Variants in BCL2L14 observed in about 807,000 individuals in gnomAD.
BCL2L14 encodes apoptosis facilitator Bcl-2-like protein 14.
BCL2L14 carries 27 observed loss-of-function variants against 35.3 expected under a neutral mutation model. The observed-to-expected ratio is 0.76, with a 90% CI of 0.56 to 1.05. BCL2L14 has a LOEUF of 1.05. Among genes scored for constraint, BCL2L14 ranks in the 50% least tolerant of loss-of-function variants. The pLI is 0.00. For synonymous variants in BCL2L14, 139 were observed against 145.9 expected (o/e 0.95, Z 0.34); for missense variants, 377 against 382.6 (o/e 0.99, Z 0.12).
intron 2 of BCL2L14, among the ~76,000 whole-genome samples, chr12:12,056,768 G>C (rs75613455): frequency 1.3e-5 from 2 of 152,148 alleles, no homozygotes; most frequent in Non-Finnish European, 2.9e-5. Flanking sequence ...GGAAGGCCTC[G>C]GAGGTTGCAG....
intron 1 of BCL2L14, among the ~76,000 whole-genome samples, chr12:12,073,976 C>T (rs958818203): frequency 6.6e-6 from 1 of 152,080 alleles, no homozygotes; most frequent in Non-Finnish European, 1.5e-5. Context: ...TCAGCAACAG[C>T]TTCCCCTCCT....
rs769942576 is a variant in BCL2L14 at position 12,079,421 on chromosome 12, C to T, written c.116C>T (p.Thr39Ile). 1.9e-6 allele frequency: 3 copies of T among 1,614,166 alleles called. No homozygotes were observed. Among genetic ancestry groups the T allele is most frequent in the Non-Finnish European group, 2.5e-6 (3 of 1,180,022 alleles). The change falls in exon 2 of 6, where the codon ACC becomes ATC. Residue 39 changes from threonine to isoleucine, a missense_variant. By Grantham distance (89) the Thr-to-Ile change is moderately conservative. Transcript: ENST00000308721. ...ACCAGACATCATGTCTTCAAGAGCA[C>T]CCCTGCTCTCTTCTCACCAAAGCTG... ...YYTRHHVFKS[T>I]PALFSPKLLR...
intron 3 of BCL2L14, among the ~76,000 whole-genome samples, chr12:12,088,793 C>T (rs1490481959): frequency 5.3e-5 from 8 of 152,106 alleles, no homozygotes; most frequent in African/African-American, 1.7e-4. Context: ...CGATGCAGAG[C>T]GGTAGCCACA....
At chr12:12,098,487 G>C (rs1949361531) in intron 5 of BCL2L14, among the ~76,000 whole-genome samples, 1 of 152,092 alleles carries the variant, frequency 6.6e-6, no homozygotes, top group African/African-American at 2.4e-5. Context: ...TCAAATGAAT[G>C]AATAGCAACT....
rs1313513259 is a variant in BCL2L14, at chr12:12,099,280, T to C, written c.*292T>C. 1 of 379,878 alleles carries C rather than the reference T, an allele frequency of 2.6e-6. No individual in the cohort carries two copies. The highest frequency in any genetic ancestry group is 2.1e-5 in the African/African-American group (1 of 47,910). The allele number at this position is 379,878 out of a possible 1,614,324, so 23.5% of individuals were successfully genotyped here. On this transcript the variant is annotated 3_prime_UTR_variant, in exon 6 of 6. Transcript: ENST00000308721. ...TTTCAAACGTTCAGAACAGATACCATCATCCTGCCTTTGTTAGCTGCTGTA... is the reference window on the plus strand; with the variant it reads ...TTTCAAACGTTCAGAACAGATACCACCATCCTGCCTTTGTTAGCTGCTGTA...
chr12:12,052,922 G>A (rs1295398315), intron 2 of BCL2L14, among the ~76,000 whole-genome samples: 2 of 152,198 alleles, frequency 1.3e-5, no homozygotes, highest in Non-Finnish European at 2.9e-5. Flanking sequence ...CATATCAAGG[G>A]AGTGAGGTGT....
chr12:12,054,234 A>C (rs1948398129), intron 2 of BCL2L14, among the ~76,000 whole-genome samples: 1 of 152,198 alleles, frequency 6.6e-6, no homozygotes, highest in Admixed American at 6.5e-5. Context: ...TGGGCGCAGT[A>C]GCTCATGCCT....
At chr12:12,092,001 CTTCCTGTCACGGGAAGAAT>C (rs542836459) in intron 4 of BCL2L14, among the ~76,000 whole-genome samples, 1 of 152,318 alleles carries the variant, frequency 6.6e-6, no homozygotes, top group Admixed American at 6.5e-5. Context: ...AGAGAATGAT[CTTCCTGTCACGGGAAGAAT>C]TGCAAGTAGG....
intron 2 of BCL2L14, among the ~76,000 whole-genome samples, chr12:12,082,020 T>C (rs1405205636): frequency 6.6e-6 from 1 of 152,202 alleles, no homozygotes; most frequent in East Asian, 1.9e-4. Flanking sequence ...TTTAGATCAC[T>C]CACTATGATC....
chr12:12,061,157 T>G (rs192454976), intron 2 of BCL2L14, among the ~76,000 whole-genome samples: 130 of 143,958 alleles, frequency 9.0e-4, no homozygotes, highest in African/African-American at 2.3e-3. Context: ...ACTGAGACAC[T>G]TTAACTAAAT....
chr12:12,056,628 G>T (rs949929228), intron 2 of BCL2L14, among the ~76,000 whole-genome samples: 2 of 152,216 alleles, frequency 1.3e-5, no homozygotes, highest in African/African-American at 2.4e-5. Flanking sequence ...GAGGTCAGGA[G>T]TTCGAGACCA....
chr12:12,057,219 T>G (rs1363600085), intron 2 of BCL2L14, among the ~76,000 whole-genome samples: 1 of 152,220 alleles, frequency 6.6e-6, no homozygotes, highest in Non-Finnish European at 1.5e-5. Context: ...GGGAGACTAT[T>G]TGCATTATAA....
At chr12:12,057,908 G>C (rs1341784122) in intron 2 of BCL2L14, among the ~76,000 whole-genome samples, 2 of 151,324 alleles carry the variant, frequency 1.3e-5, no homozygotes, top group African/African-American at 4.9e-5. Flanking sequence ...GTGCTCGTGT[G>C]ACCCTGGGAA....
rs1241055429 is a variant in BCL2L14, at chr12:12,079,981, G to A, written c.433+243G>A. ...GCACTCTGGGAGGCCAAGGCGGGTGGATCATGAGGTCAGGAGATTGAGACC... is the reference window on the plus strand; with the variant it reads ...GCACTCTGGGAGGCCAAGGCGGGTGAATCATGAGGTCAGGAGATTGAGACC... On this transcript the variant is annotated intron_variant, in intron 2 of 5. Coordinates refer to ENST00000308721, the MANE Select transcript of BCL2L14 (RefSeq NM_138723.2). Among the ~76,000 whole-genome samples the A allele has an allele frequency of 2.0e-5, 3 of 152,192 alleles. No individual in the cohort carries two copies. The East Asian group carries it at 5.8e-4, about 29-fold the overall frequency.
intron 2 of BCL2L14, among the ~76,000 whole-genome samples, chr12:12,065,224 T>A (rs1948580356): frequency 6.6e-6 from 1 of 152,042 alleles, no homozygotes; most frequent in Admixed American, 6.6e-5. Context: ...TAAAAAAATA[T>A]AAATTTGTAA....
intron 2 of BCL2L14, among the ~76,000 whole-genome samples, chr12:12,053,683 G>A (rs1948390956): frequency 6.6e-6 from 1 of 152,180 alleles, no homozygotes; most frequent in Non-Finnish European, 1.5e-5. Context: ...CCAAAGTGCT[G>A]GGATTACAGG....
At chr12:12,072,428 A>ACCTCGGG (rs1948687493) in intron 1 of BCL2L14, 2 of 152,282 alleles carry the variant, frequency 1.3e-5, no homozygotes, top group African/African-American at 2.4e-5. Flanking sequence ...GACCCCGGCC[A>ACCTCGGG]CCTCGGGGAG....
rs112534910 is a variant in BCL2L14, at chr12:12,095,844, G to A, written c.945+914G>A. The A allele has an allele frequency of 1.2e-4, 121 of 985,286 alleles. No homozygotes were observed. The African/African-American group carries it at 1.8e-3, about 14-fold the overall frequency. The allele number at this position is 985,286 out of a possible 1,614,324, so 61.0% of individuals were successfully genotyped here. A position where few individuals can be genotyped will look rare whatever the true frequency, so the allele number is the denominator to read the frequency against. On this transcript the variant is annotated intron_variant, in intron 5 of 5. Coordinates refer to ENST00000308721, the MANE Select transcript of BCL2L14 (RefSeq NM_138723.2). Reference sequence around the variant, plus strand: ...CGCCATGGTCTTCAGTGGCTGCCACGGTCTTCAGTTTCTGTACATTGAGTT... The same window carrying A: ...CGCCATGGTCTTCAGTGGCTGCCACAGTCTTCAGTTTCTGTACATTGAGTT...
chr12:12,079,681 C>T lies in BCL2L14; in HGVS notation c.376C>T (p.His126Tyr). 1 of 1,614,210 alleles carries T rather than the reference C, an allele frequency of 6.2e-7. No individual in the cohort carries two copies. Among genetic ancestry groups the T allele is most frequent in the Non-Finnish European group, 8.5e-7 (1 of 1,180,040 alleles). ...GQRTLEYQDS[H>Y]SQQWSRCLSN... The stretch of plus-strand genomic sequence containing the variant: ...AAGGACGTTGGAATACCAAGATTCG[C>T]ACAGCCAGCAGTGGTCCAGGTGTCT... Residue 126 changes from histidine (H) to tyrosine (Y), a missense_variant, in exon 2 of 6, where the codon CAC (histidine) becomes TAC (tyrosine). By Grantham distance (83) the His-to-Tyr change is moderately conservative. Transcript: ENST00000308721.
Sources: allele counts gnomAD v4.1 joint callset (sites outside exome capture counted in the v4.1 genomes callset), GRCh38; gene constraint gnomAD v4.1.1; transcripts MANE v1.5; gene names NCBI Gene and HGNC (gene_info 2026-07-23, HGNC 2026-07-21).